CTTNBP2: variants seen among roughly 807,000 people sequenced by gnomAD.
The protein encoded by CTTNBP2 is cortactin binding protein 2, also known as cortactin-binding protein 2.
In CTTNBP2, 108 loss-of-function variants were observed where a neutral mutation model predicts 156.9. That is an observed-to-expected ratio of 0.69 (90% confidence interval 0.59 to 0.81). The LOEUF is 0.81. Among genes scored for constraint, CTTNBP2 ranks in the 30% least tolerant of loss-of-function variants. The pLI is 0.00. For synonymous variants in CTTNBP2, 767 were observed against 751.8 expected (o/e 1.02, Z -0.33); for missense variants, 1,924 against 2,035.4 (o/e 0.95, Z 1.05).
At chr7:117,773,707 A>ACACACACCCC (rs1234464093) in intron 8 of CTTNBP2, among the ~76,000 whole-genome samples, 4 of 129,058 alleles carry the variant, frequency 3.1e-5, no homozygotes, top group African/African-American at 1.4e-4. Context: ...ACACACACAC[A>ACACACACCCC]CCCCAAAAAA....
chr7:117,749,487 C>T (rs1796512460), intron 12 of CTTNBP2, among the ~76,000 whole-genome samples: 2 of 152,180 alleles, frequency 1.3e-5, no homozygotes, highest in African/African-American at 4.8e-5. Flanking sequence ...CTCCTGTCTC[C>T]ATCCCTGCTG....
At chr7:117,732,649 CAAAAAAAAAA>C (rs397710322) in intron 16 of CTTNBP2, among the ~76,000 whole-genome samples, 1 of 43,038 alleles carries the variant, frequency 2.3e-5, no homozygotes, top group Non-Finnish European at 4.9e-5. Context: ...GACTCCGTCT[CAAAAAAAAAA>C]AAAAAAAAAA....
rs572638543 is a variant in CTTNBP2, at chr7:117,861,261, C to T, written c.137G>A (p.Ser46Asn). The change falls in exon 2 of 23, where the codon AGC (serine) becomes AAC (asparagine). Residue 46 changes from serine to asparagine, a missense_variant. Transcript: ENST00000160373. Reference protein sequence around the residue: ...LSKSELRMLLSVMEGELEARD... With the variant: ...LSKSELRMLLNVMEGELEARD... Reference sequence around the variant, plus strand: ...GGCCTCCAGCTCCCCTTCCATCACGCTGAGGAGCATCCGCAGCTCGGATTT... The same window carrying T: ...GGCCTCCAGCTCCCCTTCCATCACGTTGAGGAGCATCCGCAGCTCGGATTT... The T allele has an allele frequency of 6.2e-7, 1 of 1,613,884 alleles. No individual in the cohort carries two copies. The highest frequency in any genetic ancestry group is 2.2e-5 in the East Asian group (1 of 44,880).
Position 117,718,559 on chromosome 7 carries a change from G to A in CTTNBP2, c.4645-440C>T, listed in dbSNP as rs538726292. Among the ~76,000 whole-genome samples, 27 of 152,214 alleles carry A rather than the reference G, an allele frequency of 1.8e-4. 1 individual carries two copies. The highest frequency in any genetic ancestry group is 1.8e-3 in the Admixed American group (27 of 15,288). The stretch of plus-strand genomic sequence containing the variant: ...TTGAGTGTCTCAGGGGAAGCTGAAC[G>A]TTACAGCCACTCATAAGGCATCTAT... On this transcript the variant is annotated intron_variant, in intron 21 of 22. Transcript: ENST00000160373.
intron 9 of CTTNBP2, 122 bp from the exon 10 acceptor site, chr7:117,760,832 C>A: frequency 1.5e-6 from 1 of 669,414 alleles, no homozygotes. Context: ...TATTTTATTT[C>A]ATTAAATAAC....
At position 117,780,629 on chromosome 7, in the gene CTTNBP2, G is replaced by C; in HGVS notation, c.2373-38C>G. 3 of 1,431,666 alleles carry C rather than the reference G, an allele frequency of 2.1e-6. No homozygotes were observed. The South Asian group carries it at 4.4e-5, about 21-fold the overall frequency. The allele number at this position is 1,431,666 out of a possible 1,614,324, so 88.7% of individuals were successfully genotyped here. A position where few individuals can be genotyped will look rare whatever the true frequency, so the allele number is the denominator to read the frequency against. ...TTAGGATTAATTACATAAAACCTGG[G>C]TTTGACCTTTGAAGCACCACCTAAC... On this transcript the variant is annotated intron_variant, in intron 6 of 22. Coordinates refer to ENST00000160373, the MANE Select transcript of CTTNBP2 (RefSeq NM_033427.3).
chr7:117,846,533 A>T (rs965025729), intron 2 of CTTNBP2, among the ~76,000 whole-genome samples: 3 of 152,110 alleles, frequency 2.0e-5, no homozygotes, highest in Non-Finnish European at 4.4e-5. Flanking sequence ...CTAATCCCAC[A>T]TGGACCCAGA....
chr7:117,832,802 A>C (rs1801695858), intron 2 of CTTNBP2, among the ~76,000 whole-genome samples: 1 of 139,350 alleles, frequency 7.2e-6, no homozygotes, highest in Non-Finnish European at 1.5e-5. Flanking sequence ...GCTGGAGTAC[A>C]GTGGCGCAAT....
intron 2 of CTTNBP2, among the ~76,000 whole-genome samples, chr7:117,855,146 G>A (rs1803210672): frequency 6.6e-6 from 1 of 152,182 alleles, no homozygotes; most frequent in African/African-American, 2.4e-5. Context: ...AGGGCTCGCT[G>A]TTGCAAGTGG....
intron 2 of CTTNBP2, among the ~76,000 whole-genome samples, chr7:117,841,769 A>T (rs938494290): frequency 6.6e-6 from 1 of 152,256 alleles, no homozygotes; most frequent in Non-Finnish European, 1.5e-5. Flanking sequence ...AACTGGTGTC[A>T]TCAGATAAAA....
intron 2 of CTTNBP2, among the ~76,000 whole-genome samples, chr7:117,820,779 C>T (rs1448057581): frequency 6.6e-6 from 1 of 152,092 alleles, no homozygotes; most frequent in East Asian, 1.9e-4. Context: ...CAGGTTAAGT[C>T]CTTAAAATTC....
intron 2 of CTTNBP2, among the ~76,000 whole-genome samples, chr7:117,855,500 G>C (rs1401820575): frequency 2.0e-5 from 3 of 152,096 alleles, no homozygotes; most frequent in Non-Finnish European, 4.4e-5. Context: ...CAGCAATTTG[G>C]TCCCCCATGG....
At chr7:117,719,784 C>T (rs2116374966) in intron 20 of CTTNBP2, 148 bp from the exon 21 acceptor site, 3 of 565,574 alleles carry the variant, frequency 5.3e-6, no homozygotes, top group East Asian at 3.1e-5. Context: ...TCATTTAATG[C>T]AAGAAATTTC....
chr7:117,841,639 A>G (rs1351841108), intron 2 of CTTNBP2, among the ~76,000 whole-genome samples: 2 of 152,244 alleles, frequency 1.3e-5, no homozygotes, highest in African/African-American at 4.8e-5. Flanking sequence ...TTAGTCTCAG[A>G]TAGAAAGCTA....
Position 117,745,822 on chromosome 7 carries a change from T to C in CTTNBP2, c.3535+9A>G. 1 of 1,601,156 alleles carries C rather than the reference T, an allele frequency of 6.2e-7. No individual in the cohort carries two copies. ...GGTTATCACAGGCAATTTGCTGAAATGTTCTTACCGCTACTAATGAACAGG... is the reference window on the plus strand; with the variant it reads ...GGTTATCACAGGCAATTTGCTGAAACGTTCTTACCGCTACTAATGAACAGG... On this transcript the variant is annotated intron_variant, in intron 14 of 22. Coordinates refer to ENST00000160373, the MANE Select transcript of CTTNBP2 (RefSeq NM_033427.3).
At chr7:117,835,319 T>C (rs1343312816) in intron 2 of CTTNBP2, among the ~76,000 whole-genome samples, 1 of 152,226 alleles carries the variant, frequency 6.6e-6, no homozygotes, top group Non-Finnish European at 1.5e-5. Flanking sequence ...CTTATATGTT[T>C]TAAGTTCAGC....
At chr7:117,849,200 G>A (rs1360254258) in intron 2 of CTTNBP2, among the ~76,000 whole-genome samples, 7 of 152,186 alleles carry the variant, frequency 4.6e-5, no homozygotes, top group Non-Finnish European at 8.8e-5. Flanking sequence ...CAGCATCAGC[G>A]ATTTCACCGC....
intron 12 of CTTNBP2, among the ~76,000 whole-genome samples, chr7:117,750,634 C>CA (rs201967986): frequency 7.2e-4 from 108 of 150,912 alleles, no homozygotes; most frequent in South Asian, 8.4e-4. Context: ...TGAACAACAA[C>CA]AAAAAAAAAC....
chr7:117,717,632 G>T (rs1794499613), intron 22 of CTTNBP2, among the ~76,000 whole-genome samples: 1 of 151,702 alleles, frequency 6.6e-6, no homozygotes, highest in Admixed American at 6.6e-5. Flanking sequence ...AGCCCTCTAG[G>T]TTATCGGATT....
Sources: gnomAD v4.1 joint callset for allele counts (sites outside exome capture counted in the v4.1 genomes callset) on GRCh38, gnomAD v4.1.1 for gene constraint, MANE v1.5 for transcripts, NCBI Gene and HGNC (gene_info 2026-07-23, HGNC 2026-07-21) for gene names.